TUSC3: variants seen among roughly 807,000 people sequenced by gnomAD.
The protein encoded by TUSC3 is tumor suppressor candidate 3, also known as dolichyl-diphosphooligosaccharide--protein glycosyltransferase subunit TUSC3.
TUSC3 carries 45 observed loss-of-function variants against 44.8 expected under a neutral mutation model. The ratio of observed to expected loss-of-function variants is 1.00; its 90% confidence interval spans 0.79 to 1.29. The LOEUF (loss-of-function observed/expected upper bound fraction) is 1.29. Ranked by LOEUF, TUSC3 falls within the 50% of genes most tolerant of loss-of-function variation. The pLI is 0.00. For missense variants in TUSC3, 519 were observed against 437.9 expected (o/e 1.19, Z -1.65); for synonymous variants, 212 against 152.9 (o/e 1.39, Z -2.85).
At chr8:15,631,668 T>TTA (rs1805769327) in intron 2 of TUSC3, among the ~76,000 whole-genome samples, 1 of 145,114 alleles carries the variant, frequency 6.9e-6, no homozygotes, top group Non-Finnish European at 1.5e-5. Context: ...TTTAAGGCTG[T>TTA]TGTGTGTGTG....
intron 2 of TUSC3, among the ~76,000 whole-genome samples, chr8:15,639,994 C>A (rs772318883): frequency 1.6e-4 from 24 of 152,196 alleles, no homozygotes; most frequent in Middle Eastern, 3.4e-3. Context: ...AGATTGTTAT[C>A]GTTAGAAAGG....
chr8:15,433,862 T>C (rs1357534636), intron 1 of TUSC3, among the ~76,000 whole-genome samples: 1 of 152,190 alleles, frequency 6.6e-6, no homozygotes, highest in Admixed American at 6.5e-5. Context: ...TGGGGGTCAT[T>C]ATTACAGAAA....
rs112204679 is a variant in TUSC3, at chr8:15,542,435, A to G, written c.138+1867A>G. 8.2e-4 allele frequency among the ~76,000 whole-genome samples: 125 copies of G among 152,104 alleles called. 1 individual carries two copies. Among genetic ancestry groups the G allele is most frequent in the Middle Eastern group, 6.8e-3 (2 of 294 alleles). On this transcript the variant is annotated intron_variant, in intron 1 of 10. Coordinates refer to ENST00000503731, the MANE Select transcript of TUSC3 (RefSeq NM_006765.4). ...AGGGTATAATGAGCATGTCTGGCTCACTTTTCCCATCGTCGCCTGAAGTGG... is the reference window on the plus strand; with the variant it reads ...AGGGTATAATGAGCATGTCTGGCTCGCTTTTCCCATCGTCGCCTGAAGTGG...
chr8:15,525,103 C>G (rs958535828), intron 2 of TUSC3, among the ~76,000 whole-genome samples: 13 of 152,208 alleles, frequency 8.5e-5, no homozygotes, highest in African/African-American at 1.7e-4. Context: ...TGTAAAGGTA[C>G]AAGGAGACCA....
intron 7 of TUSC3, among the ~76,000 whole-genome samples, chr8:15,740,450 G>C (rs1236278894): frequency 6.6e-6 from 1 of 150,580 alleles, no homozygotes; most frequent in African/African-American, 2.4e-5. Context: ...CAGTCAATTC[G>C]TATCTGGAAA....
At chr8:15,623,553 G>GC (rs774213574) in intron 2 of TUSC3, among the ~76,000 whole-genome samples, 1 of 151,716 alleles carries the variant, frequency 6.6e-6, no homozygotes, top group Non-Finnish European at 1.5e-5. Flanking sequence ...TAATGAAGTA[G>GC]CCCCCTTAAA....
At chr8:15,670,978 C>G (rs943212368) in intron 5 of TUSC3, among the ~76,000 whole-genome samples, 1 of 151,940 alleles carries the variant, frequency 6.6e-6, no homozygotes, top group Admixed American at 6.6e-5. Context: ...CAGTGTGACA[C>G]TATCATACCT....
the TUSC3 span, among the ~76,000 whole-genome samples, chr8:15,771,964 C>T: frequency 6.6e-6 from 1 of 152,046 alleles, no homozygotes; most frequent in African/African-American, 2.4e-5. Context: ...TAGAGGGCGC[C>T]TGTAGTCCCA....
chr8:15,725,344 A>G (rs1476087489), intron 6 of TUSC3, among the ~76,000 whole-genome samples: 2 of 152,190 alleles, frequency 1.3e-5, no homozygotes, highest in Non-Finnish European at 2.9e-5. Context: ...CATTTAACTA[A>G]AGCAGTCATT....
chr8:15,472,564 C>G (rs1056642884), intron 1 of TUSC3, among the ~76,000 whole-genome samples: 3 of 152,050 alleles, frequency 2.0e-5, no homozygotes, highest in Non-Finnish European at 2.9e-5. Flanking sequence ...TTCACCAAAT[C>G]CAAGCTTTTA....
At chr8:15,834,866 A>G in the TUSC3 span, among the ~76,000 whole-genome samples, 1 of 152,314 alleles carries the variant, frequency 6.6e-6, no homozygotes, top group East Asian at 1.9e-4. Flanking sequence ...ATTTTTATAC[A>G]GTATTCATGA....
intron 1 of TUSC3, among the ~76,000 whole-genome samples, chr8:15,556,180 C>T (rs1391757661): frequency 1.5e-5 from 2 of 129,358 alleles, no homozygotes; most frequent in Non-Finnish European, 3.2e-5. Context: ...CAACAGTCCC[C>T]AGAGTGTGAT....
At chr8:15,479,163 T>C (rs912754855) in intron 1 of TUSC3, among the ~76,000 whole-genome samples, 7 of 152,120 alleles carry the variant, frequency 4.6e-5, no homozygotes, top group Non-Finnish European at 7.4e-5. Context: ...GTTTAAGTTC[T>C]TTGTAGATTT....
chr8:15,546,180 T>G (rs6530887), intron 1 of TUSC3, among the ~76,000 whole-genome samples: 151,875 of 151,882 alleles, frequency 1, 75,934 homozygotes, highest in Middle Eastern at 1. Flanking sequence ...ATTTCTATCT[T>G]TTGGGCAAGA....
intron 2 of TUSC3, among the ~76,000 whole-genome samples, chr8:15,640,311 AT>A (rs1398758510): frequency 1.3e-5 from 2 of 152,108 alleles, no homozygotes; most frequent in Non-Finnish European, 2.9e-5. Context: ...TTGGAAACTT[AT>A]CTGGTTCACT....
intron 2 of TUSC3, among the ~76,000 whole-genome samples, chr8:15,524,097 C>T (rs950451475): frequency 6.6e-6 from 1 of 150,732 alleles, no homozygotes; most frequent in Admixed American, 6.6e-5. Context: ...GTTTGGTTTG[C>T]ATTTGATTTA....
chr8:15,462,796 A>G (rs1159706021), intron 1 of TUSC3, among the ~76,000 whole-genome samples: 1 of 152,116 alleles, frequency 6.6e-6, no homozygotes, highest in Non-Finnish European at 1.5e-5. Context: ...ATAACTTCCA[A>G]CAGTGAGCAG....
the TUSC3 span, among the ~76,000 whole-genome samples, chr8:15,842,731 C>T: frequency 6.6e-6 from 1 of 152,226 alleles, no homozygotes; most frequent in Non-Finnish European, 1.5e-5. Flanking sequence ...AACAAGTCTT[C>T]TCTGAGACAA....
intron 2 of TUSC3, among the ~76,000 whole-genome samples, chr8:15,485,717 G>T (rs189912481): frequency 6.6e-6 from 1 of 152,122 alleles, no homozygotes; most frequent in African/African-American, 2.4e-5. Flanking sequence ...GCAGACCAAG[G>T]ACAGAGCTTT....
Sources: gnomAD v4.1 joint callset for allele counts (sites outside exome capture counted in the v4.1 genomes callset) on GRCh38, gnomAD v4.1.1 for gene constraint, MANE v1.5 for transcripts, NCBI Gene and HGNC (gene_info 2026-07-23, HGNC 2026-07-21) for gene names.